NTM: variants seen among roughly 807,000 people sequenced by gnomAD.
NTM encodes neurotrimin.
A neutral mutation model predicts 42.1 loss-of-function variants in NTM; 13 were observed. That is an observed-to-expected ratio of 0.31 (90% CI 0.20 to 0.49). The LOEUF (loss-of-function observed/expected upper bound fraction) is 0.49, where lower values mean the gene tolerates loss of function less well. Among genes scored for constraint, NTM ranks in the 20% least tolerant of loss-of-function variants. The pLI is 0.99. For missense variants in NTM, 373 were observed against 452.8 expected (o/e 0.82, Z 1.60); for synonymous variants, 187 against 179.2 (o/e 1.04, Z -0.35).
At chr11:131,961,550 G>A (rs2062171276) in intron 2 of NTM, among the ~76,000 whole-genome samples, 1 of 152,144 alleles carries the variant, frequency 6.6e-6, no homozygotes, top group Non-Finnish European at 1.5e-5. Flanking sequence ...GACACAGGTT[G>A]GTCTGATGAA....
At chr11:131,499,989 G>A (rs2046532664) in intron 1 of NTM, among the ~76,000 whole-genome samples, 1 of 152,232 alleles carries the variant, frequency 6.6e-6, no homozygotes, top group Admixed American at 6.5e-5. Flanking sequence ...AGGGACAGGA[G>A]GGCTGTGTGT....
chr11:132,265,298 C>A (rs150513306), intron 4 of NTM, among the ~76,000 whole-genome samples: 1 of 152,172 alleles, frequency 6.6e-6, no homozygotes, highest in East Asian at 1.9e-4. Flanking sequence ...CAGCTTCTGG[C>A]ATGGTTGAAA....
At chr11:132,230,654 T>C (rs1277019526) in intron 4 of NTM, among the ~76,000 whole-genome samples, 1 of 152,252 alleles carries the variant, frequency 6.6e-6, no homozygotes, top group Non-Finnish European at 1.5e-5. Context: ...AAGACCGTGA[T>C]AGGATGTATA....
chr11:131,626,957 T>C (rs1208851582), intron 1 of NTM, among the ~76,000 whole-genome samples: 1 of 152,232 alleles, frequency 6.6e-6, no homozygotes, highest in African/African-American at 2.4e-5. Context: ...CTGAGGAACC[T>C]GTAGGCTATC....
intron 1 of NTM, among the ~76,000 whole-genome samples, chr11:131,883,646 G>A (rs1384199848): frequency 7.2e-5 from 11 of 152,150 alleles, no homozygotes; most frequent in South Asian, 2.1e-4. Context: ...CCCCCATACC[G>A]TGCACATTCT....
intron 1 of NTM, among the ~76,000 whole-genome samples, chr11:131,499,400 C>T (rs1174986237): frequency 6.6e-6 from 1 of 152,112 alleles, no homozygotes; most frequent in Non-Finnish European, 1.5e-5. Context: ...CACACATCCG[C>T]CCCCCACTCC....
intron 1 of NTM, among the ~76,000 whole-genome samples, chr11:131,458,782 G>A (rs76017609): frequency 0.061 from 9,248 of 152,268 alleles, 656 homozygotes; most frequent in East Asian, 0.21. Flanking sequence ...TGGAGCAATG[G>A]TTTGCAAACT....
At chr11:131,797,282 A>G (rs1168550664) in intron 1 of NTM, among the ~76,000 whole-genome samples, 1 of 152,134 alleles carries the variant, frequency 6.6e-6, no homozygotes, top group Admixed American at 6.5e-5. Flanking sequence ...TCTCTGCTCC[A>G]CATCTCCATC....
intron 5 of NTM, among the ~76,000 whole-genome samples, chr11:132,309,898 A>G (rs2095227258): frequency 6.6e-6 from 1 of 152,134 alleles, no homozygotes; most frequent in Non-Finnish European, 1.5e-5. Flanking sequence ...GCTGCTAAAA[A>G]TACAAAAATT....
At position 132,318,267 on chromosome 11, in the gene NTM, T is replaced by A. The variant is rs553004779; in HGVS notation, c.934+3564T>A. Among the ~76,000 whole-genome samples the A allele has an allele frequency of 3.3e-5, 5 of 152,314 alleles. No individual in the cohort carries two copies. In the South Asian group the frequency reaches 1.0e-3, roughly 32 times the overall value. ...CTTGGGTGACTCACTAAGCCTCATT[T>A]AGACTCAATTTCCTCTTCTTTACAA... On this transcript the variant is annotated intron_variant, in intron 7 of 8. Transcript: ENST00000683400.
rs1455725290 is a variant in NTM at position 131,823,171 on chromosome 11, G to T, written c.83-88393G>T. On this transcript the variant is annotated intron_variant, in intron 1 of 8. Coordinates refer to ENST00000683400, the MANE Select transcript of NTM (RefSeq NM_001352005.2). ...GAGGGGAGATACACTGCTGGTGATT[G>T]TCACAGGGTATCCCAGAGACCATGG... is the stretch of plus-strand genomic sequence containing the variant. Among the ~76,000 whole-genome samples the T allele has an allele frequency of 1.8e-4, 28 of 152,338 alleles. 1 individual carries two copies. The highest frequency in any genetic ancestry group is 1.8e-3 in the Admixed American group (28 of 15,306).
chr11:132,195,471 A>C (rs757639557), intron 3 of NTM, among the ~76,000 whole-genome samples: 20 of 127,108 alleles, frequency 1.6e-4, no homozygotes, highest in Non-Finnish European at 2.2e-4. Context: ...ATATAGAACC[A>C]AAAAAAAAAA....
intron 1 of NTM, among the ~76,000 whole-genome samples, chr11:131,830,150 C>A (rs537159380): frequency 3.3e-5 from 5 of 152,216 alleles, no homozygotes; most frequent in East Asian, 1.9e-4. Context: ...TTGATAGTTT[C>A]TTTTGCTGTG....
chr11:132,041,620 A>G (rs2077215362), intron 2 of NTM, among the ~76,000 whole-genome samples: 1 of 152,180 alleles, frequency 6.6e-6, no homozygotes. Flanking sequence ...CAAATCCAAT[A>G]TTTAGGAGTC....
intron 3 of NTM, among the ~76,000 whole-genome samples, chr11:132,174,257 C>T (rs1347935462): frequency 6.6e-6 from 1 of 152,180 alleles, no homozygotes; most frequent in African/African-American, 2.4e-5. Context: ...GTTTTCTGGG[C>T]CTCAATTCTG....
intron 2 of NTM, among the ~76,000 whole-genome samples, chr11:131,914,442 T>C (rs2055914064): frequency 6.6e-6 from 1 of 152,220 alleles, no homozygotes; most frequent in Admixed American, 6.5e-5. Context: ...GATTGGGTGA[T>C]GATGGTGATA....
At chr11:131,691,557 A>AGC (rs139139665) in intron 1 of NTM, among the ~76,000 whole-genome samples, 5,258 of 141,164 alleles carry the variant, frequency 0.037, 320 homozygotes, top group African/African-American at 0.14. Context: ...CTTCCCTGAA[A>AGC]GCCCCCCCCC....
At chr11:131,859,738 C>A (rs1177876450) in intron 1 of NTM, among the ~76,000 whole-genome samples, 1 of 152,286 alleles carries the variant, frequency 6.6e-6, no homozygotes, top group East Asian at 1.9e-4. Context: ...ATGTAAAAGG[C>A]TTTGCAAATG....
chr11:131,631,451 T>C (rs1376219155), intron 1 of NTM, among the ~76,000 whole-genome samples: 1 of 152,198 alleles, frequency 6.6e-6, no homozygotes, highest in Non-Finnish European at 1.5e-5. Flanking sequence ...TATTCTGCTC[T>C]CTAAAAGTCC....
Sources: gnomAD v4.1 joint callset for allele counts (sites outside exome capture counted in the v4.1 genomes callset) on GRCh38, gnomAD v4.1.1 for gene constraint, MANE v1.5 for transcripts, NCBI Gene and HGNC (gene_info 2026-07-23, HGNC 2026-07-21) for gene names.